The following ZBTB3 variants were observed in gnomAD, a reference collection of about 807,000 sequenced individuals.
The protein encoded by ZBTB3 is zinc finger and BTB domain-containing protein 3.
ZBTB3 carries 15 observed loss-of-function variants against 30.6 expected under a neutral mutation model. The ratio of observed to expected loss-of-function variants is 0.49; its 90% CI spans 0.33 to 0.75. The LOEUF (loss-of-function observed/expected upper bound fraction) is 0.75, where lower values mean the gene tolerates loss of function less well. Among genes scored for constraint, ZBTB3 ranks in the 30% least tolerant of loss-of-function variants. The pLI is 0.02. For synonymous variants in ZBTB3, 258 were observed against 261.7 expected (o/e 0.99, Z 0.14); for missense variants, 599 against 652.1 (o/e 0.92, Z 0.89).
Position 62,753,240 on chromosome 11 carries a change from C to G in ZBTB3, c.425G>C (p.Ser142Thr), listed in dbSNP as rs1215346014. The G allele has an allele frequency of 5.0e-6, 8 of 1,614,190 alleles. No homozygotes were observed. Among genetic ancestry groups the G allele is most frequent in the Non-Finnish European group, 5.9e-6 (7 of 1,180,046 alleles). Residue 142 changes from serine to threonine, a missense_variant, in exon 2 of 2, where the codon AGT becomes ACT. By Grantham distance (58) the Ser-to-Thr change is moderately conservative. Transcript: ENST00000394807. ...GGAAGTACTAGACAAAAACTCCAAA[C>G]TAGGAAGCTGTGAGTTGGTTTCCTC... is the stretch of plus-strand genomic sequence containing the variant. ...KEEETNSQLPSLEFLSSTSRG... is the reference protein window; with the variant it reads ...KEEETNSQLPTLEFLSSTSRG...
chr11:62,753,585 G>T lies in ZBTB3; in HGVS notation c.80C>A (p.Thr27Asn), dbSNP rs2084037088. 6 of 1,613,930 alleles carry T rather than the reference G, an allele frequency of 3.7e-6. No individual in the cohort carries two copies. The highest frequency in any genetic ancestry group is 5.1e-6 in the Non-Finnish European group (6 of 1,179,996). ...GAACTGGGTACTACCCACCATCACG[G>T]TGCAGTCACAAAGGAAACCCTGGGA... Reference protein sequence around the residue: ...QRSQGFLCDCTVMVGSTQFLA... With the variant: ...QRSQGFLCDCNVMVGSTQFLA... Residue 27 changes from threonine to asparagine, a missense_variant, in exon 2 of 2, where the codon ACC (threonine) becomes AAC (asparagine). Transcript: ENST00000394807.
intron 1 of ZBTB3, 65 bp from the exon 2 acceptor site, chr11:62,753,780 A>C: frequency 1.9e-6 from 3 of 1,543,718 alleles, no homozygotes; most frequent in Non-Finnish European, 2.6e-6. Flanking sequence ...GCCCTTAACT[A>C]TCACTTGCCA....
At position 62,752,857 on chromosome 11, in the gene ZBTB3, C is replaced by T; in HGVS notation, c.808G>A (p.Gly270Ser). ...GGGGCTGAGGCTGGGGGATAGAAGC[C>T]TTGCAGTGGTCCTCCAGGATCCTTT... ...EPKDPGGPLQ[G>S]FYPPASAPTS... The change falls in exon 2 of 2, where the codon GGC becomes AGC. Residue 270 changes from glycine (G) to serine (S), a missense_variant. Transcript: ENST00000394807. 1 of 1,614,132 alleles carries T rather than the reference C, an allele frequency of 6.2e-7. No homozygotes were observed. Among genetic ancestry groups the T allele is most frequent in the Non-Finnish European group, 8.5e-7 (1 of 1,180,034 alleles).
chr11:62,753,027 G>A lies in ZBTB3; in HGVS notation c.638C>T (p.Pro213Leu). 1 of 1,614,144 alleles carries A rather than the reference G, an allele frequency of 6.2e-7. No individual in the cohort carries two copies. Among genetic ancestry groups the A allele is most frequent in the Non-Finnish European group, 8.5e-7 (1 of 1,180,018 alleles). Residue 213 changes from proline to leucine, a missense_variant, in exon 2 of 2, where the codon CCA becomes CTA. Physicochemically the swap from Pro to Leu is moderately conservative, Grantham distance 98. Transcript: ENST00000394807. Reference protein sequence around the residue: ...DAPHLRAPHPPVADVSLASPS... With the variant: ...DAPHLRAPHPLVADVSLASPS... ...GCTGGCAAGAGAGACATCAGCCACT[G>A]GTGGATGAGGTGCCCGCAGATGTGG... is the stretch of plus-strand genomic sequence containing the variant.
rs1205825192 is a variant in ZBTB3 at position 62,751,398 on chromosome 11, T to TC, written c.*691dup. The TC allele has an allele frequency of 7.0e-6, 1 of 143,022 alleles. No individual in the cohort carries two copies. The highest frequency in any genetic ancestry group is 1.5e-5 in the Non-Finnish European group (1 of 65,584). 8.9% of individuals were successfully genotyped at this position (143,022 alleles called of 1,614,324 possible). A position where few individuals can be genotyped will look rare whatever the true frequency, so the allele number is the denominator to read the frequency against. On this transcript the variant is annotated 3_prime_UTR_variant, in exon 2 of 2. Transcript: ENST00000394807. ...GCGGGTGGATCACGAGGTCAGGAGA[T>TC]CGAGACCATCCTGACTAACACGGTG...
chr11:62,753,482 C>A lies in ZBTB3; in HGVS notation c.183G>T (p.Arg61Ser). ...TTTCATTGTGAATACACACCAGATC[C>A]CTCTTGTCCAATTCCCGCTCCTTGT... is the stretch of plus-strand genomic sequence containing the variant. The part of the protein sequence containing the change: ...LFYKERELDK[R>S]DLVCIHNEIV... Residue 61 changes from arginine (R) to serine (S), a missense_variant, in exon 2 of 2, where the codon AGG becomes AGT. Transcript: ENST00000394807. 6.2e-7 allele frequency: 1 copy of A among 1,614,222 alleles called. No homozygotes were observed. Among genetic ancestry groups the A allele is most frequent in the South Asian group, 1.1e-5 (1 of 91,086 alleles).
In ZBTB3 at chr11:62,753,998, CT is replaced by C; in HGVS notation, c.-87del. The C allele has an allele frequency of 6.2e-7, 1 of 1,613,852 alleles. No homozygotes were observed. The highest frequency in any genetic ancestry group is 8.5e-7 in the Non-Finnish European group (1 of 1,179,942). ...TCCAACGGCTCCACGAAGTAGAGAT[CT>C]TTTTCGCTCCCAGGCCTTGCCAGGC... On this transcript the variant is annotated 5_prime_UTR_variant, in exon 1 of 2. Transcript: ENST00000394807.
Position 62,752,572 on chromosome 11 carries a change from G to A in ZBTB3, c.1093C>T (p.Leu365=), listed in dbSNP as rs2084023800. ...TAGGGTAGATGAGGGTCTGTTGGCA[G>A]GAAGTGGTCACTTGGCCCCACCTCC... ...LEEVGPSDHF[L]PTDPHLPYHL... Residue 365 remains leucine, a synonymous_variant, in exon 2 of 2, where the codon CTG becomes TTG. Transcript: ENST00000394807. 1.2e-6 allele frequency: 2 copies of A among 1,614,086 alleles called. No individual in the cohort carries two copies. Among genetic ancestry groups the A allele is most frequent in the South Asian group, 2.2e-5 (2 of 91,092 alleles).
chr11:62,753,994 A>C lies in ZBTB3; in HGVS notation c.-82T>G. On this transcript the variant is annotated 5_prime_UTR_variant, in exon 1 of 2. Coordinates refer to ENST00000394807, the MANE Select transcript of ZBTB3 (RefSeq NM_001370809.1). ...AGCGTCCAACGGCTCCACGAAGTAGAGATCTTTTTCGCTCCCAGGCCTTGC... is the reference window on the plus strand; with the variant it reads ...AGCGTCCAACGGCTCCACGAAGTAGCGATCTTTTTCGCTCCCAGGCCTTGC... The C allele has an allele frequency of 6.2e-7, 1 of 1,613,732 alleles. No individual in the cohort carries two copies.
intron 1 of ZBTB3, 44 bp downstream of exon 1, chr11:62,753,920 G>T (rs781056417): frequency 1.5e-6 from 2 of 1,296,798 alleles, no homozygotes; most frequent in African/African-American, 1.7e-5. Flanking sequence ...CCCTGCCCCC[G>T]GAAGTCCCGC....
Position 62,752,459 on chromosome 11 carries a change from G to A in ZBTB3, c.1206C>T (p.Tyr402=). The A allele has an allele frequency of 3.1e-6, 5 of 1,614,196 alleles. No homozygotes were observed. The highest frequency in any genetic ancestry group is 3.4e-6 in the Non-Finnish European group (4 of 1,180,042). Residue 402 remains tyrosine, a synonymous_variant, in exon 2 of 2, where the codon TAC becomes TAT. Coordinates refer to ENST00000394807, the MANE Select transcript of ZBTB3 (RefSeq NM_001370809.1). ...GAGCTGCTTCGTACTCAGAAGACAG[G>A]TAAAGTGGCTCATGCAGGGATGCGG... ...PAPASLHEPL[Y]LSSEYEAAPG...
rs1273725476 is a variant in ZBTB3, at chr11:62,753,459, T to G, written c.206A>C (p.Glu69Ala). ...CCCAAAGGCTGGGGCTGTGACAATT[T>G]CATTGTGAATACACACCAGATCCCT... Reference protein sequence around the residue: ...DKRDLVCIHNEIVTAPAFGLL... With the variant: ...DKRDLVCIHNAIVTAPAFGLL... The change falls in exon 2 of 2, where the codon GAA becomes GCA. Residue 69 changes from glutamate (E) to alanine (A), a missense_variant. By Grantham distance (107) the Glu-to-Ala change is moderately radical (BLOSUM62 -1). Transcript: ENST00000394807. 1.4e-5 allele frequency: 22 copies of G among 1,614,216 alleles called. No homozygotes were observed. Among genetic ancestry groups the G allele is most frequent in the Non-Finnish European group, 1.7e-5 (20 of 1,180,036 alleles).
chr11:62,754,092 T>A lies in ZBTB3; in HGVS notation c.-180A>T, dbSNP rs1238421838. On this transcript the variant is annotated 5_prime_UTR_variant, in exon 1 of 2. Coordinates refer to ENST00000394807, the MANE Select transcript of ZBTB3 (RefSeq NM_001370809.1). The stretch of plus-strand genomic sequence containing the variant: ...CTCACGCATTCCAGGGGCTAAGGAC[T>A]ACCAGGGTGGGAACTAGCGGAGAAA... 9.3e-6 allele frequency: 15 copies of A among 1,607,220 alleles called. No homozygotes were observed. In the Middle Eastern group the frequency reaches 5.0e-4, roughly 53 times the overall value.
Position 62,752,042 on chromosome 11 carries a change from C to T in ZBTB3, c.*48G>A. On this transcript the variant is annotated 3_prime_UTR_variant, in exon 2 of 2. Transcript: ENST00000394807. Reference sequence around the variant, plus strand: ...GATAAGGTGCCACCAACCTTCTGAGCTGCCATCTAAGGATGGTAAGAGCAG... The same window carrying T: ...GATAAGGTGCCACCAACCTTCTGAGTTGCCATCTAAGGATGGTAAGAGCAG... 1 of 1,519,682 alleles carries T rather than the reference C, an allele frequency of 6.6e-7. No homozygotes were observed. Among genetic ancestry groups the T allele is most frequent in the Non-Finnish European group, 8.8e-7 (1 of 1,131,204 alleles). The allele number at this position is 1,519,682 out of a possible 1,614,324, so 94.1% of individuals were successfully genotyped here. A position where few individuals can be genotyped will look rare whatever the true frequency, so the allele number is the denominator to read the frequency against.
chr11:62,752,316 T>C lies in ZBTB3; in HGVS notation c.1349A>G (p.Tyr450Cys). ...GCTCCGCAGGCAGTAGCGGCACTCA[T>C]AGGGTCGCTCACGTGTGTGCACCGT... is the stretch of plus-strand genomic sequence containing the variant. ...HATVHTRERP[Y>C]ECRYCLRSYT... The change falls in exon 2 of 2, where the codon TAT (tyrosine) becomes TGT (cysteine). Residue 450 changes from tyrosine to cysteine, a missense_variant. Physicochemically the swap from Tyr to Cys is radical, Grantham distance 194. Transcript: ENST00000394807. 1.2e-6 allele frequency: 2 copies of C among 1,614,142 alleles called. No homozygotes were observed. The highest frequency in any genetic ancestry group is 1.7e-6 in the Non-Finnish European group (2 of 1,180,024).
At chr11:62,753,934 T>G in intron 1 of ZBTB3, 30 bp downstream of exon 1, 1 of 1,418,106 alleles carries the variant, frequency 7.1e-7, no homozygotes, top group Non-Finnish European at 9.5e-7. Flanking sequence ...GTCCCGCCCC[T>G]TAGCCACCCT....
Position 62,753,192 on chromosome 11 carries a change from G to T in ZBTB3, c.473C>A (p.Ala158Glu). Reference protein sequence around the residue: ...STSRGTQPSLASAETSGHWGK... With the variant: ...STSRGTQPSLESAETSGHWGK... ...CCAGTGGCCTGATGTCTCAGCAGATGCCAACGAAGGTTGGGTGCCACGGGA... is the reference window on the plus strand; with the variant it reads ...CCAGTGGCCTGATGTCTCAGCAGATTCCAACGAAGGTTGGGTGCCACGGGA... Residue 158 changes from alanine (A) to glutamate (E), a missense_variant, in exon 2 of 2, where the codon GCA becomes GAA. Coordinates refer to ENST00000394807, the MANE Select transcript of ZBTB3 (RefSeq NM_001370809.1). The T allele has an allele frequency of 6.2e-7, 1 of 1,614,208 alleles. No homozygotes were observed. Among genetic ancestry groups the T allele is most frequent in the Non-Finnish European group, 8.5e-7 (1 of 1,180,050 alleles).
chr11:62,751,997 T>C lies in ZBTB3; in HGVS notation c.*93A>G. The C allele has an allele frequency of 2.4e-6, 3 of 1,270,766 alleles. No individual in the cohort carries two copies. Among genetic ancestry groups the C allele is most frequent in the Non-Finnish European group, 3.2e-6 (3 of 926,212 alleles). The allele number at this position is 1,270,766 out of a possible 1,614,324, so 78.7% of individuals were successfully genotyped here. A position where few individuals can be genotyped will look rare whatever the true frequency, so the allele number is the denominator to read the frequency against. ...CTTTCAGCCTGGGCAGAGCCTTTAT[T>C]CTTGTCACCCAGCAGGGGTGATAAG... is the stretch of plus-strand genomic sequence containing the variant. On this transcript the variant is annotated 3_prime_UTR_variant, in exon 2 of 2. Transcript: ENST00000394807.
Position 62,752,382 on chromosome 11 carries a change from C to T in ZBTB3, c.1283G>A (p.Gly428Glu), listed in dbSNP as rs1214650950. 2.5e-6 allele frequency: 4 copies of T among 1,614,148 alleles called. No homozygotes were observed. The highest frequency in any genetic ancestry group is 3.4e-6 in the Non-Finnish European group (4 of 1,180,040). ...TGTGTAAGAGCATGAGAAGGTCTTC[C>T]CACATGTCTTGCAGGTGGGAACATC... Reference protein sequence around the residue: ...TEDVPTCKTCGKTFSCSYTLR... With the variant: ...TEDVPTCKTCEKTFSCSYTLR... The change falls in exon 2 of 2, where the codon GGG (glycine) becomes GAG (glutamate). Residue 428 changes from glycine to glutamate, a missense_variant. By Grantham distance (98) the Gly-to-Glu change is moderately conservative (BLOSUM62 -2). Coordinates refer to ENST00000394807, the MANE Select transcript of ZBTB3 (RefSeq NM_001370809.1).
Sources: allele counts gnomAD v4.1 joint callset, GRCh38; gene constraint gnomAD v4.1.1; transcripts MANE v1.5; gene names NCBI Gene and HGNC (gene_info 2026-07-23, HGNC 2026-07-21).